RABGAP1: variants seen among roughly 807,000 people sequenced by gnomAD.
The protein encoded by RABGAP1 is rab GTPase-activating protein 1.
A neutral mutation model predicts 137.6 loss-of-function variants in RABGAP1; 23 were observed. That is an observed-to-expected ratio of 0.17 (90% CI 0.12 to 0.24). The LOEUF is 0.24. RABGAP1 is among the 10% of genes least tolerant of loss of function. The probability of loss-of-function intolerance (pLI) is 1.00; values close to 1 mark genes in which losing one functional copy is unlikely to be tolerated. For missense variants in RABGAP1, 906 were observed against 1,275.8 expected, an observed-to-expected ratio of 0.71 and a Z score of 4.42; for synonymous variants, 451 against 450.7, an observed-to-expected ratio of 1.00 and a Z score of -0.01.
intron 2 of RABGAP1, among the ~76,000 whole-genome samples, chr9:122,970,544 A>C (rs1214797674): frequency 6.6e-6 from 1 of 152,174 alleles, no homozygotes; most frequent in South Asian, 2.1e-4. Flanking sequence ...TTTGGGGTAC[A>C]ATTACACCCA....
intron 2 of RABGAP1, among the ~76,000 whole-genome samples, 192 bp from the exon 3 acceptor site, chr9:122,984,293 T>G (rs1161818585): frequency 6.6e-6 from 1 of 152,122 alleles, no homozygotes; most frequent in Admixed American, 6.5e-5. Flanking sequence ...CATGAAAAAC[T>G]ATGTAATTGA....
chr9:122,991,976 A>G (rs1836746831), intron 6 of RABGAP1, among the ~76,000 whole-genome samples: 1 of 152,098 alleles, frequency 6.6e-6, no homozygotes, highest in South Asian at 2.1e-4. Context: ...AGTGAAAATT[A>G]TAATCTGTAT....
At chr9:123,101,882 A>G (rs1290228005) in intron 25 of RABGAP1, 119 bp downstream of exon 25, 16 of 1,053,658 alleles carry the variant, frequency 1.5e-5, no homozygotes, top group African/African-American at 3.3e-5. Context: ...CTTTGGTCAC[A>G]GTTGTCATGA....
In RABGAP1 at chr9:123,050,182, CTG is replaced by C. The variant is rs147537103; in HGVS notation, c.1795-15161_1795-15160del. ...CATGGGTATCTAATTCCAGTCTGCT[CTG>C]TGTGATGTGTTGGAGCTTTGGAGTA... On this transcript the variant is annotated intron_variant, in intron 13 of 25. Transcript: ENST00000373647. Among the ~76,000 whole-genome samples the C allele has an allele frequency of 9.3e-3, 1,421 of 152,284 alleles. 25 individuals are homozygous for C. Among genetic ancestry groups the C allele is most frequent in the African/African-American group, 0.033 (1,351 of 41,540 alleles).
At chr9:123,063,514 CA>C (rs1284568949) in intron 13 of RABGAP1, among the ~76,000 whole-genome samples, 1 of 152,192 alleles carries the variant, frequency 6.6e-6, no homozygotes, top group African/African-American at 2.4e-5. Context: ...TACCATTTTG[CA>C]TTGTATAGGA....
intron 13 of RABGAP1, among the ~76,000 whole-genome samples, chr9:123,045,429 C>T (rs529364265): frequency 3.9e-5 from 6 of 152,182 alleles, no homozygotes; most frequent in East Asian, 1.9e-4. Flanking sequence ...GGTATGTATT[C>T]GTAGGAATCT....
intron 9 of RABGAP1, among the ~76,000 whole-genome samples, chr9:122,997,883 T>C (rs1022557219): frequency 2.0e-5 from 3 of 152,192 alleles, no homozygotes; most frequent in Non-Finnish European, 4.4e-5. Flanking sequence ...ATGCCTCTTA[T>C]TGAGCATTTT....
Position 122,944,745 on chromosome 9 carries a change from T to A in RABGAP1, c.-50+3652T>A, listed in dbSNP as rs191415366. 1.9e-3 allele frequency among the ~76,000 whole-genome samples: 295 copies of A among 151,972 alleles called. 6 individuals are homozygous for A. Among genetic ancestry groups the A allele is most frequent in the Admixed American group, 0.012 (188 of 15,262 alleles). On this transcript the variant is annotated intron_variant, in intron 1 of 25. Coordinates refer to ENST00000373647, the MANE Select transcript of RABGAP1 (RefSeq NM_012197.4). ...ACCACCACACCCAGATAATTTTTTT[T>A]TTTTTATTTTTAGTAGAGACGGGTT...
intron 6 of RABGAP1, chr9:122,990,794 A>ATGT: frequency 2.5e-5 from 1 of 39,698 alleles, no homozygotes; most frequent in East Asian, 1.1e-3. Context: ...AAAAAAAAAA[A>ATGT]AAATATATAT....
At position 123,005,301 on chromosome 9, in the gene RABGAP1, C is replaced by CT. The variant is rs199909145; in HGVS notation, c.1375-5043dup. 5.6e-3 allele frequency among the ~76,000 whole-genome samples: 762 copies of CT among 135,798 alleles called. 3 individuals are homozygous for CT. Among genetic ancestry groups the CT allele is most frequent in the African/African-American group, 0.019 (716 of 37,210 alleles). 89.1% of individuals were successfully genotyped at this position (135,798 alleles called of 152,430 possible). A position where few individuals can be genotyped will look rare whatever the true frequency, so the allele number is the denominator to read the frequency against. The stretch of plus-strand genomic sequence containing the variant: ...TAGGGGCTTGGGATTTTTTTTTTTC[C>CT]TTTTTTTTTTGAATATATAAAATAC... On this transcript the variant is annotated intron_variant, in intron 10 of 25. Transcript: ENST00000373647.
At chr9:123,002,826 CA>C (rs1367913623) in intron 10 of RABGAP1, among the ~76,000 whole-genome samples, 1 of 151,982 alleles carries the variant, frequency 6.6e-6, no homozygotes, top group Non-Finnish European at 1.5e-5. Context: ...ACCTGAAATG[CA>C]GCCTAAGAGA....
At chr9:123,061,272 C>T (rs557856383) in intron 13 of RABGAP1, among the ~76,000 whole-genome samples, 21 of 152,248 alleles carry the variant, frequency 1.4e-4, no homozygotes, top group Admixed American at 3.9e-4. Flanking sequence ...TATGCCAGCA[C>T]GCCCGGCTAA....
At chr9:122,949,982 G>T (rs1190322581) in intron 1 of RABGAP1, among the ~76,000 whole-genome samples, 1 of 152,186 alleles carries the variant, frequency 6.6e-6, no homozygotes, top group African/African-American at 2.4e-5. Flanking sequence ...ATATAGTATG[G>T]TGTGACAGAA....
Position 123,101,575 on chromosome 9 carries a change from G to A in RABGAP1, c.2899G>A (p.Asp967Asn), listed in dbSNP as rs775849098. The A allele has an allele frequency of 6.2e-7, 1 of 1,613,644 alleles. No homozygotes were observed. Among genetic ancestry groups the A allele is most frequent in the Non-Finnish European group, 8.5e-7 (1 of 1,179,788 alleles). Residue 967 changes from aspartate (D) to asparagine (N), a missense_variant, in exon 25 of 26, where the codon GAT becomes AAT. Around this residue, in one of 9 missense-constraint regions of RABGAP1, gnomAD observed 193 missense variants for 248.1 expected, o/e 0.78. Transcript: ENST00000373647. The stretch of plus-strand genomic sequence containing the variant: ...TAACATTCAATTTCAGCAAAAAGTG[G>A]ATGACTGTGAGCGGTGCCGGGAATT... ...VEIEKIRQKV[D>N]DCERCREFFN...
upstream of RABGAP1, among the ~76,000 whole-genome samples, chr9:122,937,013 A>G (rs1270454254): frequency 6.6e-6 from 1 of 152,228 alleles, no homozygotes; most frequent in South Asian, 2.1e-4. Context: ...ATGAGATTCA[A>G]ATGTTCAATT....
At chr9:123,098,685 A>C in intron 22 of RABGAP1, 30 bp from the exon 23 acceptor site, 1 of 1,595,268 alleles carries the variant, frequency 6.3e-7, no homozygotes, top group Non-Finnish European at 8.6e-7. Context: ...TTCTGTTAAC[A>C]TAGTCCCTTT....
chr9:122,986,443 T>G (rs763978468), intron 4 of RABGAP1, 24 bp downstream of exon 4: 1 of 1,602,820 alleles, frequency 6.2e-7, no homozygotes, highest in African/African-American at 1.3e-5. Context: ...GTTGAAATCT[T>G]TCGATATTTA....
chr9:122,961,810 A>T (rs956646357), intron 2 of RABGAP1, among the ~76,000 whole-genome samples: 1 of 152,158 alleles, frequency 6.6e-6, no homozygotes, highest in Non-Finnish European at 1.5e-5. Flanking sequence ...TGTTGGGCCT[A>T]TGAGATGTGG....
rs2034420479 is a variant in RABGAP1 at position 123,073,486 on chromosome 9, CTTCTG to C, written c.1984-64_1984-60del. ...AGCTGGATTTAATATCCTGAGAAAA[CTTCTG>C]TATGTTTTGTGATTCCCCACCGCCA... is the stretch of plus-strand genomic sequence containing the variant. On this transcript the variant is annotated intron_variant, in intron 15 of 25. Transcript: ENST00000373647. 4.5e-6 allele frequency: 7 copies of C among 1,550,184 alleles called. No individual in the cohort carries two copies. In the South Asian group the frequency reaches 8.5e-5, roughly 19 times the overall value.
Sources: gnomAD v4.1 joint callset for allele counts (sites outside exome capture counted in the v4.1 genomes callset) on GRCh38, gnomAD v4.1.1 for gene constraint, gnomAD v4.1.1 regional missense constraint, MANE v1.5 for transcripts, NCBI Gene and HGNC (gene_info 2026-07-23, HGNC 2026-07-21) for gene names.